The following ZNF416 variants were observed in gnomAD, a reference collection of about 807,000 sequenced individuals.
The protein encoded by ZNF416 is zinc finger protein 416.
ZNF416 carries 5 observed loss-of-function variants against 10.9 expected under a neutral mutation model. That is an observed-to-expected ratio of 0.46 (90% CI 0.24 to 0.97). The LOEUF (loss-of-function observed/expected upper bound fraction) is 0.97, where lower values mean the gene tolerates loss of function less well. Ranked by LOEUF, ZNF416 falls within the 50% of genes least tolerant of loss-of-function variation. The pLI is 0.19. For missense variants in ZNF416, 675 were observed against 715.0 expected (o/e 0.94, Z 0.64); for synonymous variants, 267 against 251.8 (o/e 1.06, Z -0.57).
chr19:57,572,863 A>G lies in ZNF416; in HGVS notation c.1041T>C (p.Ile347=), dbSNP rs766342978. The G allele has an allele frequency of 1.9e-5, 30 of 1,613,530 alleles. No individual in the cohort carries two copies. Among genetic ancestry groups the G allele is most frequent in the Middle Eastern group, 1.6e-4 (1 of 6,076 alleles). Residue 347 remains isoleucine, a synonymous_variant, in exon 4 of 4, where the codon ATT becomes ATC. Coordinates refer to ENST00000196489, the MANE Select transcript of ZNF416 (RefSeq NM_017879.3). The surrounding 1 kb of genome is among the most constrained non-coding windows in gnomAD (Gnocchi z 4.5). ...ACTCATAAGGCCTTTCTCCAGTGTG[A>G]ATTCTGCAATGTTCAATAAGGTTGG... ...QSSNLIEHCR[I]HTGERPYECD... is the part of the protein sequence containing the mutation.
chr19:57,574,767 C>G (rs981628858), intron 3 of ZNF416, among the ~76,000 whole-genome samples: 1 of 152,170 alleles, frequency 6.6e-6, no homozygotes, highest in Non-Finnish European at 1.5e-5. Flanking sequence ...TTGCCAAATC[C>G]TGTGGCAAGA....
chr19:57,573,702 C>G lies in ZNF416; in HGVS notation c.203-1G>C. On this transcript the variant is annotated splice_acceptor_variant, in intron 3 of 3. Coordinates refer to ENST00000196489, the MANE Select transcript of ZNF416 (RefSeq NM_017879.3). LOFTEE classifies it high-confidence loss of function. ...TCATCCTCCATCCCATGCCAACAAA[C>G]TGAAAGCAGAGAAACACTGATGAAA... 1 of 1,606,100 alleles carries G rather than the reference C, an allele frequency of 6.2e-7. No individual in the cohort carries two copies.
At position 57,575,762 on chromosome 19, in the gene ZNF416, T is replaced by C. The variant is rs774525564; in HGVS notation, c.202+42A>G. Reference sequence around the variant, plus strand: ...GAGCTGCCTCTGAGGAAAAAGAGGATAGACGAAGACCAGGACACGAGAGTG... The same window carrying C: ...GAGCTGCCTCTGAGGAAAAAGAGGACAGACGAAGACCAGGACACGAGAGTG... On this transcript the variant is annotated intron_variant, in intron 3 of 3. Transcript: ENST00000196489. This position sits in a 1 kb window ranked among gnomAD's most constrained non-coding sequence, Gnocchi z 4.4. 2 of 1,613,286 alleles carry C rather than the reference T, an allele frequency of 1.2e-6. No individual in the cohort carries two copies. Among genetic ancestry groups the C allele is most frequent in the South Asian group, 1.1e-5 (1 of 91,064 alleles).
At chr19:57,573,949 G>A (rs1332413492) in intron 3 of ZNF416, among the ~76,000 whole-genome samples, 2 of 152,084 alleles carry the variant, frequency 1.3e-5, no homozygotes, top group Admixed American at 1.3e-4. Flanking sequence ...GCTTGAATCC[G>A]GGAGGCAGAG....
In ZNF416 at chr19:57,573,370, C is replaced by G. The variant is rs1460465392; in HGVS notation, c.534G>C (p.Lys178Asn). 1 of 1,614,254 alleles carries G rather than the reference C, an allele frequency of 6.2e-7. No individual in the cohort carries two copies. The highest frequency in any genetic ancestry group is 8.5e-7 in the Non-Finnish European group (1 of 1,180,044). Residue 178 changes from lysine to asparagine, a missense_variant, in exon 4 of 4, where the codon AAG becomes AAC. Lys to Asn is a moderately conservative substitution (Grantham distance 94). Coordinates refer to ENST00000196489, the MANE Select transcript of ZNF416 (RefSeq NM_017879.3). ...GMPFTSSEVG[K>N]DFLAPLGILQ... ...GAATGCCCAATGGGGCTAGGAAGTC[C>G]TTCCCAACCTCACTGCTGGTGAAAG...
At position 57,572,392 on chromosome 19, in the gene ZNF416, T is replaced by C; in HGVS notation, c.1512A>G (p.Arg504=). 2 of 1,614,198 alleles carry C rather than the reference T, an allele frequency of 1.2e-6. No individual in the cohort carries two copies. Among genetic ancestry groups the C allele is most frequent in the South Asian group, 1.1e-5 (1 of 91,084 alleles). The stretch of plus-strand genomic sequence containing the variant: ...GGTGTTCAACGAGGGTATAGCTTTG[T>C]CTAAAAAATTTCCCACATTCACTGC... ...FECSECGKFF[R]QSYTLVEHQK... is the part of the protein sequence containing the mutation. The change falls in exon 4 of 4, where the codon AGA becomes AGG. Residue 504 remains arginine, a synonymous_variant. Transcript: ENST00000196489. The surrounding 1 kb of genome is among the most constrained non-coding windows in gnomAD (Gnocchi z 4.5).
Position 57,572,758 on chromosome 19 carries a change from A to G in ZNF416, c.1146T>C (p.Tyr382=). 2 of 1,614,080 alleles carry G rather than the reference A, an allele frequency of 1.2e-6. No individual in the cohort carries two copies. The highest frequency in any genetic ancestry group is 8.5e-7 in the Non-Finnish European group (1 of 1,180,014). ...ATAATTTCCCACATTCACCACACTC[A>G]TATGGCTTTTCTCCTGTGTGAGTTC... is the stretch of plus-strand genomic sequence containing the variant. ...HQRTHTGEKP[Y]ECGECGKLFR... Residue 382 remains tyrosine (Y), a synonymous_variant, in exon 4 of 4, where the codon TAT becomes TAC. Transcript: ENST00000196489. The surrounding 1 kb of genome is among the most constrained non-coding windows in gnomAD (Gnocchi z 4.5).
chr19:57,578,886 C>T lies in ZNF416; in HGVS notation c.-182G>A. 2.0e-6 allele frequency: 1 copy of T among 501,640 alleles called. No homozygotes were observed. The highest frequency in any genetic ancestry group is 3.4e-6 in the Non-Finnish European group (1 of 296,900). The allele number at this position is 501,640 out of a possible 1,614,324, so 31.1% of individuals were successfully genotyped here. On this transcript the variant is annotated 5_prime_UTR_variant, in exon 1 of 4. The change abolishes an upstream ATG in the 5' untranslated region. Transcript: ENST00000196489. ...CGAGGTAGAGAACCACCAAAATTAC[C>T]ATCTCGGAGCGGTGCCGGAAGTCCC...
chr19:57,578,329 C>T (rs1468429293), intron 1 of ZNF416: 1 of 598,024 alleles, frequency 1.7e-6, no homozygotes, highest in Non-Finnish European at 3.0e-6. Context: ...CTCTGAGTAA[C>T]TTTAGAAAAA....
intron 2 of ZNF416, 69 bp downstream of exon 2, chr19:57,577,988 C>A: frequency 6.4e-7 from 1 of 1,563,392 alleles, no homozygotes; most frequent in South Asian, 1.1e-5. Flanking sequence ...GAGAAGAGTC[C>A]CAGAACACAA....
In ZNF416 at chr19:57,573,374, C is replaced by T; in HGVS notation, c.530G>A (p.Gly177Glu). 1 of 1,614,228 alleles carries T rather than the reference C, an allele frequency of 6.2e-7. No individual in the cohort carries two copies. The highest frequency in any genetic ancestry group is 8.5e-7 in the Non-Finnish European group (1 of 1,180,050). Residue 177 changes from glycine (G) to glutamate (E), a missense_variant, in exon 4 of 4, where the codon GGG (glycine) becomes GAG (glutamate). Gly to Glu is a moderately conservative substitution (Grantham distance 98). Coordinates refer to ENST00000196489, the MANE Select transcript of ZNF416 (RefSeq NM_017879.3). ...GCCCAATGGGGCTAGGAAGTCCTTCCCAACCTCACTGCTGGTGAAAGGCAT... is the reference window on the plus strand; with the variant it reads ...GCCCAATGGGGCTAGGAAGTCCTTCTCAACCTCACTGCTGGTGAAAGGCAT... ...SGMPFTSSEV[G>E]KDFLAPLGIL...
Position 57,573,296 on chromosome 19 carries a change from T to A in ZNF416, c.608A>T (p.Lys203Ile). The A allele has an allele frequency of 6.2e-7, 1 of 1,614,232 alleles. No homozygotes were observed. The highest frequency in any genetic ancestry group is 1.1e-5 in the South Asian group (1 of 91,088). Residue 203 changes from lysine to isoleucine, a missense_variant, in exon 4 of 4, where the codon AAA becomes ATA. Lys to Ile is a moderately radical substitution (Grantham distance 102). Transcript: ENST00000196489. ...TCCAACATGAAAGGCCTCCTCACAT[T>A]TGCTGATTTTGTTTGGCTTCTCATA... ...ANYEKPNKIS[K>I]CEEAFHVGIS...
rs1003724577 is a variant in ZNF416, at chr19:57,575,019, G to T, written c.202+785C>A. 1.3e-5 allele frequency among the ~76,000 whole-genome samples: 2 copies of T among 152,166 alleles called. No homozygotes were observed. The highest frequency in any genetic ancestry group is 4.8e-5 in the African/African-American group (2 of 41,418). On this transcript the variant is annotated intron_variant, in intron 3 of 3. Coordinates refer to ENST00000196489, the MANE Select transcript of ZNF416 (RefSeq NM_017879.3). This position sits in a 1 kb window ranked among gnomAD's most constrained non-coding sequence, Gnocchi z 4.4. Reference sequence around the variant, plus strand: ...AGGAAGATGGGGGCAGCACGAGGCCGGATGTCCCAGATGAAGCAATAAGCC... The same window carrying T: ...AGGAAGATGGGGGCAGCACGAGGCCTGATGTCCCAGATGAAGCAATAAGCC...
Position 57,571,965 on chromosome 19 carries a change from T to A in ZNF416, c.*154A>T. The A allele has an allele frequency of 1.1e-6, 1 of 914,794 alleles. No homozygotes were observed. The highest frequency in any genetic ancestry group is 1.7e-6 in the Non-Finnish European group (1 of 602,044). 56.7% of individuals were successfully genotyped at this position (914,794 alleles called of 1,614,324 possible). ...GCAAGACACATATGCCTGGAACTAA[T>A]GGGAGTCTGACCCATCGGGAGGTCT... On this transcript the variant is annotated 3_prime_UTR_variant, in exon 4 of 4. Transcript: ENST00000196489.
chr19:57,572,349 A>T lies in ZNF416; in HGVS notation c.1555T>A (p.Leu519Ile). Reference sequence around the variant, plus strand: ...CACTGTCCACAGTCGTAAGGCCTTAATCCAGTGTGAATTTTCTGGTGTTCA... The same window carrying T: ...CACTGTCCACAGTCGTAAGGCCTTATTCCAGTGTGAATTTTCTGGTGTTCA... ...LVEHQKIHTG[L>I]RPYDCGQCGK... The change falls in exon 4 of 4, where the codon TTA (leucine) becomes ATA (isoleucine). Residue 519 changes from leucine to isoleucine, a missense_variant. By Grantham distance (5) the Leu-to-Ile change is conservative. Transcript: ENST00000196489. This position sits in a 1 kb window ranked among gnomAD's most constrained non-coding sequence, Gnocchi z 4.5. The T allele has an allele frequency of 6.2e-7, 1 of 1,614,174 alleles. No individual in the cohort carries two copies. Among genetic ancestry groups the T allele is most frequent in the Non-Finnish European group, 8.5e-7 (1 of 1,180,022 alleles).
At position 57,573,338 on chromosome 19, in the gene ZNF416, G is replaced by C; in HGVS notation, c.566C>G (p.Pro189Arg). 1 of 1,614,176 alleles carries C rather than the reference G, an allele frequency of 6.2e-7. No homozygotes were observed. The highest frequency in any genetic ancestry group is 8.5e-7 in the Non-Finnish European group (1 of 1,180,038). ...CTTCTCATAGTTAGCAATAGCTTGC[G>C]GCTGAAGAATGCCCAATGGGGCTAG... is the stretch of plus-strand genomic sequence containing the variant. ...DFLAPLGILQ[P>R]QAIANYEKPN... Residue 189 changes from proline to arginine, a missense_variant, in exon 4 of 4, where the codon CCG (proline) becomes CGG (arginine). Physicochemically the swap from Pro to Arg is moderately radical, Grantham distance 103. Transcript: ENST00000196489.
rs1333643093 is a variant in ZNF416 at position 57,573,321 on chromosome 19, A to G, written c.583T>C (p.Tyr195His). 1 of 1,614,254 alleles carries G rather than the reference A, an allele frequency of 6.2e-7. No individual in the cohort carries two copies. The highest frequency in any genetic ancestry group is 8.5e-7 in the Non-Finnish European group (1 of 1,180,036). ...TTGCTGATTTTGTTTGGCTTCTCAT[A>G]GTTAGCAATAGCTTGCGGCTGAAGA... ...GILQPQAIAN[Y>H]EKPNKISKCE... Residue 195 changes from tyrosine (Y) to histidine (H), a missense_variant, in exon 4 of 4, where the codon TAT (tyrosine) becomes CAT (histidine). Transcript: ENST00000196489.
At position 57,571,952 on chromosome 19, in the gene ZNF416, T is replaced by C. The variant is rs754129651; in HGVS notation, c.*167A>G. On this transcript the variant is annotated 3_prime_UTR_variant, in exon 4 of 4. Transcript: ENST00000196489. ...CAAAGGAGCTCCTGCAAGACACATA[T>C]GCCTGGAACTAATGGGAGTCTGACC... The C allele has an allele frequency of 2.5e-6, 2 of 805,280 alleles. No homozygotes were observed. The highest frequency in any genetic ancestry group is 1.7e-5 in the African/African-American group (1 of 58,334). 49.9% of individuals were successfully genotyped at this position (805,280 alleles called of 1,614,324 possible). A position where few individuals can be genotyped will look rare whatever the true frequency, so the allele number is the denominator to read the frequency against.
chr19:57,572,057 A>G lies in ZNF416; in HGVS notation c.*62T>C. ...AAGGCTCTCTATAGCCATAACACTG[A>G]AGAAAGACATGGCACATTCCCTGCA... On this transcript the variant is annotated 3_prime_UTR_variant, in exon 4 of 4. Coordinates refer to ENST00000196489, the MANE Select transcript of ZNF416 (RefSeq NM_017879.3). This position sits in a 1 kb window ranked among gnomAD's most constrained non-coding sequence, Gnocchi z 4.5. 1.7e-5 allele frequency: 27 copies of G among 1,555,606 alleles called. No homozygotes were observed. The highest frequency in any genetic ancestry group is 2.3e-5 in the Non-Finnish European group (27 of 1,149,122).
Sources: gnomAD v4.1 joint callset for allele counts (sites outside exome capture counted in the v4.1 genomes callset) on GRCh38, gnomAD v4.1.1 for gene constraint, Gnocchi (gnomAD v3.1) non-coding constraint, MANE v1.5 for transcripts, NCBI Gene and HGNC (gene_info 2026-07-23, HGNC 2026-07-21) for gene names.